TTC7A: variants seen among roughly 807,000 people sequenced by gnomAD.
TTC7A encodes the protein tetratricopeptide repeat protein 7A.
TTC7A carries 110 observed loss-of-function variants against 103.7 expected under a neutral mutation model. That is an observed-to-expected ratio of 1.06 (90% CI 0.91 to 1.24). TTC7A has a LOEUF of 1.24. TTC7A is among the 50% of genes most tolerant of loss of function. The pLI, the probability that TTC7A is intolerant of heterozygous loss-of-function variation, is 0.00. For missense variants in TTC7A, 1,340 were observed against 1,116.3 expected, an observed-to-expected ratio of 1.20 and a Z score of -2.86; for synonymous variants, 521 against 467.9, an observed-to-expected ratio of 1.11 and a Z score of -1.47.
At chr2:46,994,184 G>T in intron 6 of TTC7A, 173 bp from the exon 7 acceptor site, 1 of 697,410 alleles carries the variant, frequency 1.4e-6, no homozygotes, top group Non-Finnish European at 2.4e-6. Flanking sequence ...CGCCAGTGTT[G>T]GAGGGACTGA....
At chr2:47,057,741 C>T (rs548167235) in intron 18 of TTC7A, among the ~76,000 whole-genome samples, 2 of 152,214 alleles carry the variant, frequency 1.3e-5, no homozygotes, top group Non-Finnish European at 2.9e-5. Flanking sequence ...TGGAGCCCAG[C>T]CCATCTTCCT....
At chr2:47,033,990 G>A (rs950733599) in intron 15 of TTC7A, among the ~76,000 whole-genome samples, 4 of 152,212 alleles carry the variant, frequency 2.6e-5, no homozygotes, top group South Asian at 2.1e-4. Flanking sequence ...CCCGGCTTTC[G>A]TGGAGTGGAA....
chr2:47,036,558 A>T (rs953507866), intron 15 of TTC7A, among the ~76,000 whole-genome samples: 1 of 152,190 alleles, frequency 6.6e-6, no homozygotes, highest in Non-Finnish European at 1.5e-5. Context: ...CAGGGAGGGT[A>T]AGGCCTGTTA....
In TTC7A at chr2:47,046,395, G is replaced by C; in HGVS notation, c.1883G>C (p.Arg628Thr). 1.2e-5 allele frequency: 19 copies of C among 1,614,198 alleles called. No homozygotes were observed. The highest frequency in any genetic ancestry group is 1.6e-5 in the Non-Finnish European group (19 of 1,180,020). The change falls in exon 16 of 20, where the codon AGG becomes ACG. Residue 628 changes from arginine to threonine, a missense_variant. By Grantham distance (71) the Arg-to-Thr change is moderately conservative. Coordinates refer to ENST00000319190, the MANE Select transcript of TTC7A (RefSeq NM_020458.4). ...CTCGTGACCTGCAGACAAGTGCTGA[G>C]GCTGTGGCAGACCCTGTACAGCTTC... ...EALVTCRQVLRLWQTLYSFSQ... is the reference protein window; with the variant it reads ...EALVTCRQVLTLWQTLYSFSQ...
chr2:47,021,632 A>G (rs1679289709), intron 11 of TTC7A, among the ~76,000 whole-genome samples: 2 of 152,210 alleles, frequency 1.3e-5, no homozygotes, highest in African/African-American at 4.8e-5. Context: ...TACAGAGGCC[A>G]TGGGAGGAAA....
At chr2:46,943,629 A>G (rs1009219308) in intron 1 of TTC7A, among the ~76,000 whole-genome samples, 2 of 152,202 alleles carry the variant, frequency 1.3e-5, no homozygotes, top group African/African-American at 4.8e-5. Context: ...GTTTGGATTG[A>G]CTGCTGTTTT....
intron 3 of TTC7A, among the ~76,000 whole-genome samples, chr2:46,964,149 C>T (rs1277373503): frequency 6.6e-6 from 1 of 152,222 alleles, no homozygotes; most frequent in Non-Finnish European, 1.5e-5. Context: ...AGCACTCTTG[C>T]AGAGGGAGGT....
chr2:46,964,437 C>T (rs557766116), intron 3 of TTC7A, among the ~76,000 whole-genome samples: 1 of 152,288 alleles, frequency 6.6e-6, no homozygotes, highest in South Asian at 2.1e-4. Flanking sequence ...CAGTAAGGCT[C>T]AGGGTGTCTC....
intron 19 of TTC7A, among the ~76,000 whole-genome samples, chr2:47,073,357 C>CAGATGAGGAAACTGAGG: frequency 6.6e-6 from 1 of 152,192 alleles, no homozygotes. Flanking sequence ...TTCCCATTTA[C>CAGATGAGGAAACTGAGG]AGATGAGGAA....
chr2:47,069,879 C>A (rs1290354888), intron 19 of TTC7A, among the ~76,000 whole-genome samples: 1 of 152,250 alleles, frequency 6.6e-6, no homozygotes, highest in Non-Finnish European at 1.5e-5. Context: ...AAGGCTCCTG[C>A]AGCTTCCAGC....
chr2:47,070,668 G>C (rs532298274), intron 19 of TTC7A, among the ~76,000 whole-genome samples: 202 of 152,230 alleles, frequency 1.3e-3, no homozygotes, highest in African/African-American at 4.5e-3. Flanking sequence ...TCGAGCACTT[G>C]AGATGTGGCC....
rs927515033 is a variant in TTC7A at position 47,018,682 on chromosome 2, T to C, written c.1393-3180T>C. On this transcript the variant is annotated intron_variant, in intron 11 of 19. Coordinates refer to ENST00000319190, the MANE Select transcript of TTC7A (RefSeq NM_020458.4). Reference sequence around the variant, plus strand: ...AAATATACAGTTATATATCTACATATGTAAATATATAGATATATAAATTAC... The same window carrying C: ...AAATATACAGTTATATATCTACATACGTAAATATATAGATATATAAATTAC... Among the ~76,000 whole-genome samples the C allele has an allele frequency of 2.8e-4, 42 of 152,030 alleles. 1 individual carries two copies. Among genetic ancestry groups the C allele is most frequent in the African/African-American group, 1.0e-3 (42 of 41,502 alleles).
At chr2:46,989,800 G>A (rs183050251) in intron 5 of TTC7A, among the ~76,000 whole-genome samples, 40 of 103,934 alleles carry the variant, frequency 3.8e-4, no homozygotes, top group African/African-American at 1.3e-3. Context: ...CTTTAATTGC[G>A]TGTGTGTGTG....
At chr2:46,915,927 C>A, upstream of TTC7A, 1 of 985,274 alleles carries the variant, frequency 1.0e-6, no homozygotes, top group Non-Finnish European at 1.2e-6. Context: ...TCGCGTGAGT[C>A]CACGTGTAAT....
intron 14 of TTC7A, 50 bp downstream of exon 14, chr2:47,024,409 T>G: frequency 6.5e-7 from 1 of 1,530,316 alleles, no homozygotes; most frequent in Non-Finnish European, 8.9e-7. Context: ...CTGCTGATCT[T>G]CTCCTGGAAA....
intron 2 of TTC7A, among the ~76,000 whole-genome samples, chr2:46,930,892 T>C (rs1669666494): frequency 6.6e-6 from 1 of 152,184 alleles, no homozygotes; most frequent in African/African-American, 2.4e-5. Flanking sequence ...ATATGAACTC[T>C]TTGGAGAAAA....
At chr2:47,056,773 G>C (rs1420937375) in intron 18 of TTC7A, among the ~76,000 whole-genome samples, 1 of 152,230 alleles carries the variant, frequency 6.6e-6, no homozygotes, top group Non-Finnish European at 1.5e-5. Context: ...ACAAGCAAGA[G>C]AAGAGGTCAG....
At chr2:47,012,200 A>G (rs1002789495) in intron 11 of TTC7A, among the ~76,000 whole-genome samples, 1 of 152,216 alleles carries the variant, frequency 6.6e-6, no homozygotes, top group South Asian at 2.1e-4. Context: ...GGCCCCAGCA[A>G]TGGGGCCTCT....
chr2:46,976,372 A>G (rs1300742788), intron 4 of TTC7A, among the ~76,000 whole-genome samples: 2 of 152,196 alleles, frequency 1.3e-5, no homozygotes, highest in East Asian at 1.9e-4. Context: ...GATATTGGGG[A>G]TGATGCTCAG....
Sources: allele counts gnomAD v4.1 joint callset (sites outside exome capture counted in the v4.1 genomes callset), GRCh38; gene constraint gnomAD v4.1.1; transcripts MANE v1.5; gene names NCBI Gene and HGNC (gene_info 2026-07-23, HGNC 2026-07-21).